The following DTNA variants were observed in gnomAD, a reference collection of about 807,000 sequenced individuals.
The protein encoded by DTNA is dystrobrevin alpha.
Under a neutral mutation model 100.7 loss-of-function variants are expected in DTNA, and 43 were observed. That is an observed-to-expected ratio of 0.43 (90% CI 0.33 to 0.55). DTNA has a LOEUF of 0.55. DTNA is among the 20% of genes least tolerant of loss of function. The probability of loss-of-function intolerance (pLI) is 0.04; values close to 1 mark genes in which losing one functional copy is unlikely to be tolerated. For missense variants in DTNA, 798 were observed against 953.9 expected (o/e 0.84, Z 2.15); for synonymous variants, 349 against 347.9 (o/e 1.00, Z -0.04).
chr18:34,525,136 T>C (rs1237792785), intron 1 of DTNA, among the ~76,000 whole-genome samples: 1 of 152,142 alleles, frequency 6.6e-6, no homozygotes, highest in Admixed American at 6.6e-5. Flanking sequence ...TGAGATGAAG[T>C]TCTTTGTTGT....
At chr18:34,666,978 A>T (rs2144810060) in intron 1 of DTNA, among the ~76,000 whole-genome samples, 1 of 152,314 alleles carries the variant, frequency 6.6e-6, no homozygotes, top group African/African-American at 2.4e-5. Context: ...TGGTAGCTTG[A>T]TGGGGATGGC....
chr18:34,649,042 G>A lies in DTNA; in HGVS notation c.-1-106934G>A, dbSNP rs925113548. Among the ~76,000 whole-genome samples the A allele has an allele frequency of 3.9e-5, 6 of 152,182 alleles. No homozygotes were observed. In the East Asian group the frequency reaches 7.7e-4, roughly 20 times the overall value. On this transcript the variant is annotated intron_variant, in intron 1 of 19. Transcript: ENST00000283365. ...ATTGAAGCCAGTGTTCTGCTCTTTC[G>A]GAGACCATTCTAATGATTCAGGTGT...
chr18:34,818,560 G>A, intron 8 of DTNA: 1 of 1,397,672 alleles, frequency 7.2e-7, no homozygotes, highest in Non-Finnish European at 9.3e-7. Flanking sequence ...TCAAAACTAT[G>A]TTACTTCTTG....
intron 17 of DTNA, among the ~76,000 whole-genome samples, chr18:34,869,743 C>A (rs117370699): frequency 6.6e-6 from 1 of 152,148 alleles, no homozygotes; most frequent in African/African-American, 2.4e-5. Context: ...AAACTAAGGC[C>A]GTGCACGGTG....
chr18:34,620,734 C>T (rs553640316), intron 1 of DTNA, among the ~76,000 whole-genome samples: 2 of 152,256 alleles, frequency 1.3e-5, no homozygotes, highest in African/African-American at 2.4e-5. Flanking sequence ...CTCATGAGAA[C>T]AGCACAACGG....
intron 3 of DTNA, among the ~76,000 whole-genome samples, chr18:34,775,596 C>T (rs567703621): frequency 1.3e-5 from 2 of 152,366 alleles, no homozygotes; most frequent in South Asian, 4.1e-4. Context: ...CATGCCATTG[C>T]TGGCTTGAAG....
chr18:34,532,411 G>C (rs2043228579), intron 1 of DTNA, among the ~76,000 whole-genome samples: 1 of 152,084 alleles, frequency 6.6e-6, no homozygotes, highest in South Asian at 2.1e-4. Flanking sequence ...GTGGATTATA[G>C]AGTGTGGAAA....
intron 9 of DTNA, among the ~76,000 whole-genome samples, chr18:34,826,487 C>G (rs1434287820): frequency 6.6e-6 from 1 of 152,094 alleles, no homozygotes; most frequent in Non-Finnish European, 1.5e-5. Flanking sequence ...GCAAGTCTAC[C>G]TTTTTCCCAG....
At chr18:34,619,561 T>C (rs139022000) in intron 1 of DTNA, among the ~76,000 whole-genome samples, 55 of 152,114 alleles carry the variant, frequency 3.6e-4, no homozygotes, top group South Asian at 2.3e-3. Context: ...GATTTAAAGA[T>C]TGGATGGGAG....
At chr18:34,872,978 A>G (rs1225128173) in intron 17 of DTNA, among the ~76,000 whole-genome samples, 2 of 152,230 alleles carry the variant, frequency 1.3e-5, no homozygotes, top group Non-Finnish European at 1.5e-5. Context: ...TAATCCAGTT[A>G]TCTCCTCTTA....
At chr18:34,540,782 A>G (rs1248368039) in intron 1 of DTNA, among the ~76,000 whole-genome samples, 1 of 152,104 alleles carries the variant, frequency 6.6e-6, no homozygotes, top group African/African-American at 2.4e-5. Flanking sequence ...TATCATTAAA[A>G]CTGTGCCCTA....
intron 1 of DTNA, among the ~76,000 whole-genome samples, chr18:34,751,548 C>T (rs750159312): frequency 6.6e-5 from 10 of 152,212 alleles, no homozygotes; most frequent in Non-Finnish European, 7.3e-5. Context: ...CACACTTGCA[C>T]CCAGCAATAC....
chr18:34,650,258 A>T (rs963280762), intron 1 of DTNA, among the ~76,000 whole-genome samples: 1 of 152,084 alleles, frequency 6.6e-6, no homozygotes, highest in Admixed American at 6.6e-5. Flanking sequence ...AAGCATCTGG[A>T]TTTACTGCCA....
intron 1 of DTNA, among the ~76,000 whole-genome samples, chr18:34,737,214 G>C (rs1280712544): frequency 6.6e-6 from 1 of 152,156 alleles, no homozygotes; most frequent in East Asian, 1.9e-4. Flanking sequence ...TAGCTAATAT[G>C]TATTAAGGAA....
At chr18:34,841,291 G>A (rs191523326) in intron 13 of DTNA, among the ~76,000 whole-genome samples, 1 of 152,124 alleles carries the variant, frequency 6.6e-6, no homozygotes, top group African/African-American at 2.4e-5. Flanking sequence ...AGGATCTTTT[G>A]TGGATGCCTC....
intron 1 of DTNA, among the ~76,000 whole-genome samples, chr18:34,582,101 C>T (rs912465993): frequency 6.6e-6 from 1 of 152,122 alleles, no homozygotes; most frequent in African/African-American, 2.4e-5. Flanking sequence ...TTGAAATTCT[C>T]CTAAATGTGG....
At chr18:34,736,889 TG>T (rs888446713) in intron 1 of DTNA, among the ~76,000 whole-genome samples, 5 of 152,182 alleles carry the variant, frequency 3.3e-5, no homozygotes, top group Admixed American at 1.3e-4. Context: ...GGGATAACTT[TG>T]TTCTCATTCT....
chr18:34,631,232 C>G (rs149290732), intron 1 of DTNA, among the ~76,000 whole-genome samples: 3 of 152,154 alleles, frequency 2.0e-5, no homozygotes, highest in Admixed American at 6.6e-5. Context: ...TACTTAAGCA[C>G]TCTGTGCTGC....
chr18:34,506,103 TC>T (rs1200758149), intron 1 of DTNA, among the ~76,000 whole-genome samples: 1 of 152,182 alleles, frequency 6.6e-6, no homozygotes, highest in Non-Finnish European at 1.5e-5. Flanking sequence ...CACTGATACT[TC>T]CAGCTATGAA....
Sources: gnomAD v4.1 joint callset for allele counts (sites outside exome capture counted in the v4.1 genomes callset) on GRCh38, gnomAD v4.1.1 for gene constraint, MANE v1.5 for transcripts, NCBI Gene and HGNC (gene_info 2026-07-23, HGNC 2026-07-21) for gene names.